HIVEP1: variants seen among roughly 807,000 people sequenced by gnomAD.
HIVEP1 encodes zinc finger protein 40.
Under a neutral mutation model 180.0 loss-of-function variants are expected in HIVEP1, and 36 were observed. The observed-to-expected ratio is 0.20, with a 90% CI of 0.15 to 0.26. The LOEUF is 0.26. Among genes scored for constraint, HIVEP1 ranks in the 10% least tolerant of loss-of-function variants. HIVEP1 has a pLI of 1.00. For synonymous variants in HIVEP1, 1,239 were observed against 1,239.0 expected (o/e 1.00, Z 0.00); for missense variants, 3,143 against 3,268.7 (o/e 0.96, Z 0.94).
At chr6:12,072,570 T>C (rs1234107723) in intron 2 of HIVEP1, among the ~76,000 whole-genome samples, 2 of 152,220 alleles carry the variant, frequency 1.3e-5, no homozygotes, top group Non-Finnish European at 2.9e-5. Flanking sequence ...ATTCCCTTTT[T>C]CCAGCTCTCT....
intron 2 of HIVEP1, among the ~76,000 whole-genome samples, chr6:12,087,553 T>TA (rs1318495190): frequency 6.6e-6 from 1 of 152,118 alleles, no homozygotes; most frequent in African/African-American, 2.4e-5. Context: ...TACTATATGT[T>TA]ATGTGATTTG....
At chr6:12,012,651 C>T (rs1767435572) in intron 1 of HIVEP1, 85 bp downstream of exon 1, 2 of 112,102 alleles carry the variant, frequency 1.8e-5, no homozygotes, top group Admixed American at 8.3e-5. Context: ...CACATCCCTT[C>T]GGCGGGCGGG....
intron 2 of HIVEP1, among the ~76,000 whole-genome samples, chr6:12,032,364 G>A (rs879786086): frequency 9.2e-5 from 14 of 151,836 alleles, no homozygotes; most frequent in Non-Finnish European, 1.6e-4. Context: ...GGATGGTCTC[G>A]ATTTCCTGAC....
the HIVEP1 span, among the ~76,000 whole-genome samples, chr6:12,178,938 G>A: frequency 2.0e-5 from 3 of 152,150 alleles, no homozygotes; most frequent in Non-Finnish European, 4.4e-5. Context: ...ATAGATGGAT[G>A]GATCTCCAAG....
At chr6:12,079,079 C>G (rs1772592172) in intron 2 of HIVEP1, among the ~76,000 whole-genome samples, 1 of 152,122 alleles carries the variant, frequency 6.6e-6, no homozygotes, top group African/African-American at 2.4e-5. Flanking sequence ...TACCTCCTTC[C>G]ATTCGCTACA....
the HIVEP1 span, among the ~76,000 whole-genome samples, chr6:12,184,022 T>TAGATAGATAGATAGATAGACAGACAGAC: frequency 9.8e-6 from 1 of 101,854 alleles, no homozygotes; most frequent in East Asian, 3.7e-4. Context: ...GATAGATAGA[T>TAGATAGATAGATAGATAGACAGACAGAC]AGACAGACAG....
chr6:12,183,627 G>A, the HIVEP1 span, among the ~76,000 whole-genome samples: 1 of 151,966 alleles, frequency 6.6e-6, no homozygotes, highest in South Asian at 2.1e-4. Context: ...CACCTTTCAT[G>A]GTTTTTCACA....
intron 3 of HIVEP1, among the ~76,000 whole-genome samples, chr6:12,102,380 AAT>A (rs946747117): frequency 1.7e-4 from 26 of 152,220 alleles, no homozygotes; most frequent in African/African-American, 6.3e-4. Context: ...GAATTGAAAT[AAT>A]ATAGTTTGCT....
the HIVEP1 span, among the ~76,000 whole-genome samples, chr6:12,191,485 T>A: frequency 6.6e-6 from 1 of 152,108 alleles, no homozygotes; most frequent in African/African-American, 2.4e-5. Flanking sequence ...TCCCAACTAC[T>A]CAGGAGGCTG....
intron 2 of HIVEP1, among the ~76,000 whole-genome samples, chr6:12,050,117 C>T (rs553541348): frequency 1.3e-5 from 2 of 152,278 alleles, no homozygotes; most frequent in African/African-American, 2.4e-5. Context: ...ATTAACTGCC[C>T]TAAATGCCAG....
At chr6:12,053,894 A>G (rs1331230691) in intron 2 of HIVEP1, among the ~76,000 whole-genome samples, 1 of 152,196 alleles carries the variant, frequency 6.6e-6, no homozygotes, top group Non-Finnish European at 1.5e-5. Context: ...ACTTAAGGTC[A>G]TTATTTTTTT....
intron 2 of HIVEP1, among the ~76,000 whole-genome samples, chr6:12,051,026 ATATATG>A (rs60395052): frequency 0.018 from 2,593 of 141,188 alleles, 91 homozygotes; most frequent in African/African-American, 0.063. Context: ...ATATATATAT[ATATATG>A]TATATTAAAA....
At chr6:12,051,026 A>ATATATATATATG (rs1329873734) in intron 2 of HIVEP1, among the ~76,000 whole-genome samples, 4 of 141,222 alleles carry the variant, frequency 2.8e-5, no homozygotes, top group African/African-American at 5.3e-5. Flanking sequence ...ATATATATAT[A>ATATATATATATG]TATATGTATA....
At position 12,063,802 on chromosome 6, in the gene HIVEP1, G is replaced by C. The variant is rs1050836541; in HGVS notation, c.41-25382G>C. ...ACCAAGTGAAACCTCTTGTGTACCA[G>C]CTTCACCATGCATGAGATTCACATA... On this transcript the variant is annotated intron_variant, in intron 2 of 8. Transcript: ENST00000379388. The surrounding 1 kb of genome is among the most constrained non-coding windows in gnomAD (Gnocchi z 4.2). Among the ~76,000 whole-genome samples, 24 of 152,184 alleles carry C rather than the reference G, an allele frequency of 1.6e-4. No individual in the cohort carries two copies. The highest frequency in any genetic ancestry group is 1.4e-3 in the Admixed American group (22 of 15,286).
chr6:12,026,623 T>C (rs1768601671), intron 2 of HIVEP1, among the ~76,000 whole-genome samples: 1 of 152,224 alleles, frequency 6.6e-6, no homozygotes, highest in African/African-American at 2.4e-5. Flanking sequence ...TCTTTTATAC[T>C]GCCAGGTGGG....
chr6:12,198,626 A>G, the HIVEP1 span, among the ~76,000 whole-genome samples: 1 of 152,202 alleles, frequency 6.6e-6, no homozygotes, highest in Non-Finnish European at 1.5e-5. Flanking sequence ...CTACAGGGGA[A>G]AACAAGGCTG....
At chr6:12,165,465 AC>A (rs1238428241), downstream of HIVEP1, among the ~76,000 whole-genome samples, 1 of 152,148 alleles carries the variant, frequency 6.6e-6, no homozygotes, top group African/African-American at 2.4e-5. Flanking sequence ...TCTGTCCAGC[AC>A]TGAACTACAG....
chr6:12,106,783 T>A (rs1774457430), intron 3 of HIVEP1, among the ~76,000 whole-genome samples: 1 of 152,232 alleles, frequency 6.6e-6, no homozygotes, highest in South Asian at 2.1e-4. Context: ...CCTCTTATTA[T>A]CCCAGACCTC....
intron 3 of HIVEP1, among the ~76,000 whole-genome samples, chr6:12,099,689 T>TA (rs1382314943): frequency 1.3e-5 from 2 of 152,146 alleles, no homozygotes; most frequent in Non-Finnish European, 2.9e-5. Context: ...GCACAGCACT[T>TA]ACTACAGTTC....
Sources: gnomAD v4.1 joint callset for allele counts (sites outside exome capture counted in the v4.1 genomes callset) on GRCh38, gnomAD v4.1.1 for gene constraint, Gnocchi (gnomAD v3.1) non-coding constraint, MANE v1.5 for transcripts, NCBI Gene and HGNC (gene_info 2026-07-23, HGNC 2026-07-21) for gene names.